MAP3K13: variants seen among roughly 807,000 people sequenced by gnomAD.
MAP3K13 encodes leucine zipper-bearing kinase.
MAP3K13 carries 52 observed loss-of-function variants against 104.0 expected under a neutral mutation model. The ratio of observed to expected loss-of-function variants is 0.50; its 90% CI spans 0.40 to 0.63. The LOEUF (loss-of-function observed/expected upper bound fraction) is 0.63. MAP3K13 is among the 20% of genes least tolerant of loss of function. The probability of loss-of-function intolerance (pLI) is 0.00; values close to 1 mark genes in which losing one functional copy is unlikely to be tolerated. For missense variants in MAP3K13, 914 were observed against 1,218.5 expected, an observed-to-expected ratio of 0.75 and a Z score of 3.72; for synonymous variants, 394 against 442.2, an observed-to-expected ratio of 0.89 and a Z score of 1.37.
chr3:185,335,048 A>C (rs1028324969), intron 2 of MAP3K13, among the ~76,000 whole-genome samples: 4 of 152,200 alleles, frequency 2.6e-5, no homozygotes, highest in Admixed American at 2.0e-4. Context: ...AAAAAAAAAA[A>C]ACAGCAATCT....
At chr3:185,333,969 G>A (rs902994358) in intron 2 of MAP3K13, among the ~76,000 whole-genome samples, 3 of 152,056 alleles carry the variant, frequency 2.0e-5, no homozygotes, top group African/African-American at 7.2e-5. Flanking sequence ...TGAGAGGATC[G>A]CTTGAGCCCA....
chr3:185,421,212 G>A (rs62290214), intron 1 of MAP3K13, among the ~76,000 whole-genome samples: 3 of 149,922 alleles, frequency 2.0e-5, no homozygotes, highest in Admixed American at 6.7e-5. Context: ...TTTTGTTTTC[G>A]AGGCGGAGTC....
chr3:185,399,635 G>T (rs55822802), intron 1 of MAP3K13, among the ~76,000 whole-genome samples: 2 of 10,674 alleles, frequency 1.9e-4, no homozygotes, highest in East Asian at 6.8e-3. Flanking sequence ...GCGGGGGGGG[G>T]GGGGGAGGGA....
In MAP3K13 at chr3:185,428,715, A is replaced by AC. The variant is rs777654429; in HGVS notation, c.136dup (p.Gln46ProfsTer29). ...CACCCTTCTCCCAAGCTGCTCGAGG[A>AC]CCAGCAGGAAAAGGGGATGGTACGA... On this transcript the variant is annotated frameshift_variant, in exon 2 of 14. Transcript: ENST00000265026. LOFTEE classifies it high-confidence loss of function. 6.2e-7 allele frequency: 1 copy of AC among 1,614,176 alleles called. No individual in the cohort carries two copies.
chr3:185,479,350 GC>G (rs1437334471), intron 12 of MAP3K13, among the ~76,000 whole-genome samples: 1 of 152,178 alleles, frequency 6.6e-6, no homozygotes, highest in East Asian at 1.9e-4. Context: ...TGTAGACCCA[GC>G]CCAAGCCTCA....
intron 1 of MAP3K13, among the ~76,000 whole-genome samples, chr3:185,401,980 T>C (rs1712841648): frequency 6.6e-6 from 1 of 152,246 alleles, no homozygotes; most frequent in Admixed American, 6.5e-5. Flanking sequence ...TTACTCAATA[T>C]TCTTGAAAGC....
At chr3:185,451,875 A>C (rs947010841) in intron 7 of MAP3K13, among the ~76,000 whole-genome samples, 1 of 151,862 alleles carries the variant, frequency 6.6e-6, no homozygotes, top group Non-Finnish European at 1.5e-5. Flanking sequence ...CTCAAAAAAA[A>C]AAAAAAAGAA....
chr3:185,307,736 G>T (rs1307302166), intron 2 of MAP3K13, among the ~76,000 whole-genome samples: 2 of 152,044 alleles, frequency 1.3e-5, no homozygotes, highest in East Asian at 3.9e-4. Context: ...TAGAGATGGG[G>T]TTTCACCATG....
chr3:185,406,800 T>G (rs2108781954), intron 1 of MAP3K13, among the ~76,000 whole-genome samples: 1 of 152,320 alleles, frequency 6.6e-6, no homozygotes, highest in East Asian at 1.9e-4. Flanking sequence ...TGGTGCTCAA[T>G]TCATTTTCGT....
intron 10 of MAP3K13, among the ~76,000 whole-genome samples, chr3:185,471,229 G>A (rs1286059943): frequency 6.6e-6 from 1 of 150,778 alleles, no homozygotes; most frequent in Non-Finnish European, 1.5e-5. Context: ...AGCAGATATT[G>A]TCATTATTTG....
At chr3:185,339,836 T>C (rs1251971910) in intron 2 of MAP3K13, among the ~76,000 whole-genome samples, 1 of 152,198 alleles carries the variant, frequency 6.6e-6, no homozygotes, top group Non-Finnish European at 1.5e-5. Context: ...GCTAAAATGG[T>C]GAAAAGAAAA....
At chr3:185,477,731 T>A (rs749524797) in intron 12 of MAP3K13, among the ~76,000 whole-genome samples, 9 of 152,228 alleles carry the variant, frequency 5.9e-5, no homozygotes, top group Non-Finnish European at 1.2e-4. Context: ...CCTCCCTGTG[T>A]TGGTCTGCTC....
At chr3:185,291,321 A>G (rs1481176192) in intron 2 of MAP3K13, among the ~76,000 whole-genome samples, 2 of 152,214 alleles carry the variant, frequency 1.3e-5, no homozygotes, top group African/African-American at 4.8e-5. Context: ...AAATCAGTGT[A>G]TCTGACTACA....
In MAP3K13 at chr3:185,437,490, G is replaced by C; in HGVS notation, c.519G>C (p.Trp173Cys). The C allele has an allele frequency of 6.2e-7, 1 of 1,613,968 alleles. No individual in the cohort carries two copies. The highest frequency in any genetic ancestry group is 8.5e-7 in the Non-Finnish European group (1 of 1,179,966). The part of the protein sequence containing the change: ...VPFEEISELQ[W>C]LGSGAQGAVF... ...TTGAGGAGATCTCAGAGCTGCAGTG[G>C]CTGGGTAGTGGAGCCCAAGGAGCGG... The change falls in exon 3 of 14, where the codon TGG (tryptophan) becomes TGC (cysteine). Residue 173 changes from tryptophan to cysteine, a missense_variant. By Grantham distance (215) the Trp-to-Cys change is radical. Around this residue, in one of 3 missense-constraint regions of MAP3K13, gnomAD observed 175 missense variants for 321.3 expected, o/e 0.54. Coordinates refer to ENST00000265026, the MANE Select transcript of MAP3K13 (RefSeq NM_004721.5).
At chr3:185,427,001 A>C (rs1267523717) in intron 1 of MAP3K13, among the ~76,000 whole-genome samples, 1 of 152,144 alleles carries the variant, frequency 6.6e-6, no homozygotes, top group Non-Finnish European at 1.5e-5. Flanking sequence ...CTTAGTACAG[A>C]GTGAAGGAAG....
At chr3:185,474,892 C>G (rs556488696) in intron 11 of MAP3K13, among the ~76,000 whole-genome samples, 1 of 152,104 alleles carries the variant, frequency 6.6e-6, no homozygotes, top group Admixed American at 6.5e-5. Context: ...GTCAGGAGTT[C>G]AAGACCAGCC....
In MAP3K13 at chr3:185,341,772, G is replaced by C. The variant is rs574941014; in HGVS notation, c.-86+56129G>C. Among the ~76,000 whole-genome samples, 16 of 152,254 alleles carry C rather than the reference G, an allele frequency of 1.1e-4. No individual in the cohort carries two copies. The South Asian group carries it at 3.3e-3, about 32-fold the overall frequency. Reference sequence around the variant, plus strand: ...GAGATTGGCAAACTATAGTCCACAGGCTGACTGCCTATTTTATAAATAAAG... The same window carrying C: ...GAGATTGGCAAACTATAGTCCACAGCCTGACTGCCTATTTTATAAATAAAG... On this transcript the variant is annotated intron_variant, in intron 2 of 14. Coordinates refer to the MAP3K13 transcript ENST00000424227.
At position 185,348,778 on chromosome 3, in the gene MAP3K13, G is replaced by A. The variant is rs550521838; in HGVS notation, c.-86+63135G>A. On this transcript the variant is annotated intron_variant, in intron 2 of 14. Coordinates refer to the MAP3K13 transcript ENST00000424227. Reference sequence around the variant, plus strand: ...CTAAAAATACAAAAATTAGCTGGGCGTGGTGGCGGGCGCCTGTAGTCCCAG... The same window carrying A: ...CTAAAAATACAAAAATTAGCTGGGCATGGTGGCGGGCGCCTGTAGTCCCAG... 2.3e-3 allele frequency among the ~76,000 whole-genome samples: 355 copies of A among 152,256 alleles called. 2 individuals are homozygous for A. The highest frequency in any genetic ancestry group is 7.8e-3 in the African/African-American group (322 of 41,536).
intron 2 of MAP3K13, among the ~76,000 whole-genome samples, chr3:185,302,482 A>T (rs375830133): frequency 6.6e-6 from 1 of 152,278 alleles, no homozygotes. Context: ...ATGTCTTTTC[A>T]TTTATTTGTG....
Sources: allele counts gnomAD v4.1 joint callset (sites outside exome capture counted in the v4.1 genomes callset), GRCh38; gene constraint gnomAD v4.1.1; regional missense constraint gnomAD v4.1.1; transcripts MANE v1.5; gene names NCBI Gene and HGNC (gene_info 2026-07-23, HGNC 2026-07-21).